Variants in GRIA4 observed in about 807,000 individuals in gnomAD.
GRIA4 encodes the protein glutamate receptor 4.
GRIA4 carries 34 observed loss-of-function variants against 104.0 expected under a neutral mutation model. The ratio of observed to expected loss-of-function variants is 0.33; its 90% CI spans 0.25 to 0.44. GRIA4 has a LOEUF of 0.44. GRIA4 is among the 20% of genes least tolerant of loss of function. The pLI is 1.00. For synonymous variants in GRIA4, 386 were observed against 381.9 expected, an observed-to-expected ratio of 1.01 and a Z score of -0.13; for missense variants, 750 against 1,096.5, an observed-to-expected ratio of 0.68 and a Z score of 4.46.
At chr11:105,961,451 C>T (rs1948742710) in intron 14 of GRIA4, among the ~76,000 whole-genome samples, 1 of 152,126 alleles carries the variant, frequency 6.6e-6, no homozygotes, top group African/African-American at 2.4e-5. Context: ...AACCTCTCAG[C>T]CTCATTCAGG....
intron 3 of GRIA4, among the ~76,000 whole-genome samples, chr11:105,655,436 C>T (rs1951815152): frequency 6.6e-6 from 1 of 151,940 alleles, no homozygotes. Flanking sequence ...TTTGCTGCAC[C>T]CATCAGCCCA....
chr11:105,732,409 G>A (rs965707713), intron 3 of GRIA4, among the ~76,000 whole-genome samples: 1 of 152,108 alleles, frequency 6.6e-6, no homozygotes, highest in East Asian at 1.9e-4. Flanking sequence ...ATTAGCAGCC[G>A]TGTGTTTCTG....
intron 4 of GRIA4, among the ~76,000 whole-genome samples, chr11:105,768,980 T>C (rs1048728513): frequency 1.3e-5 from 2 of 152,054 alleles, no homozygotes; most frequent in Non-Finnish European, 2.9e-5. Context: ...GGAAAGGCAT[T>C]CCAAGGAGAG....
intron 4 of GRIA4, among the ~76,000 whole-genome samples, chr11:105,781,437 G>A (rs1397655411): frequency 2.6e-5 from 4 of 152,024 alleles, no homozygotes. Flanking sequence ...CCCACAATTT[G>A]AAGTCTAAAT....
At chr11:105,875,606 A>C (rs529481814) in intron 5 of GRIA4, among the ~76,000 whole-genome samples, 7 of 152,118 alleles carry the variant, frequency 4.6e-5, no homozygotes, top group Non-Finnish European at 7.4e-5. Flanking sequence ...TTATTGGTCT[A>C]TTCAAGGATT....
chr11:105,702,421 C>CTA (rs1344606356), intron 3 of GRIA4, among the ~76,000 whole-genome samples: 1 of 151,582 alleles, frequency 6.6e-6, no homozygotes, highest in African/African-American at 2.4e-5. Flanking sequence ...ATATACATAT[C>CTA]TATATAATTA....
At chr11:105,914,611 T>C (rs966119225) in intron 10 of GRIA4, among the ~76,000 whole-genome samples, 2 of 152,162 alleles carry the variant, frequency 1.3e-5, no homozygotes, top group Non-Finnish European at 2.9e-5. Flanking sequence ...GAGTGATTTA[T>C]CTCCTGAAAA....
intron 5 of GRIA4, among the ~76,000 whole-genome samples, chr11:105,864,369 C>T (rs1201861303): frequency 2.0e-5 from 3 of 152,106 alleles, no homozygotes; most frequent in African/African-American, 7.2e-5. Flanking sequence ...CTTAAGACCC[C>T]TGTGTTTCAA....
chr11:105,932,926 G>C lies in GRIA4; in HGVS notation c.2047-796G>C, dbSNP rs150482145. On this transcript the variant is annotated intron_variant, in intron 13 of 16. Coordinates refer to ENST00000282499, the MANE Select transcript of GRIA4 (RefSeq NM_000829.4). ...CTAGAATCATGTACACTAAAATTTG[G>C]GGGCATGAAAAAAGATAAAAATAAA... Among the ~76,000 whole-genome samples the C allele has an allele frequency of 1.8e-4, 28 of 151,912 alleles. No homozygotes were observed. The East Asian group carries it at 5.2e-3, about 28-fold the overall frequency.
At chr11:105,732,524 C>G (rs1206101820) in intron 3 of GRIA4, among the ~76,000 whole-genome samples, 2 of 152,096 alleles carry the variant, frequency 1.3e-5, no homozygotes, top group Non-Finnish European at 2.9e-5. Context: ...TCAGTGTGAG[C>G]TACTGGACTC....
intron 4 of GRIA4, among the ~76,000 whole-genome samples, chr11:105,795,772 T>TA (rs1461597267): frequency 1.3e-5 from 2 of 152,276 alleles, no homozygotes; most frequent in African/African-American, 4.8e-5. Context: ...AACATGGTGC[T>TA]AGAACATCGA....
chr11:105,778,702 C>G (rs1275154706), intron 4 of GRIA4, among the ~76,000 whole-genome samples: 1 of 152,070 alleles, frequency 6.6e-6, no homozygotes, highest in East Asian at 1.9e-4. Flanking sequence ...AAGACTACAT[C>G]TCAAAACAAA....
intron 4 of GRIA4, among the ~76,000 whole-genome samples, chr11:105,802,556 A>G (rs554756445): frequency 6.6e-6 from 1 of 152,104 alleles, no homozygotes; most frequent in Non-Finnish European, 1.5e-5. Flanking sequence ...GTAATTTATA[A>G]CTATTAAACT....
At chr11:105,964,206 G>A (rs1948805763) in intron 14 of GRIA4, among the ~76,000 whole-genome samples, 1 of 152,154 alleles carries the variant, frequency 6.6e-6, no homozygotes, top group South Asian at 2.1e-4. Context: ...GGAAGTACAT[G>A]CATTATTTTA....
intron 14 of GRIA4, among the ~76,000 whole-genome samples, chr11:105,962,035 C>G (rs774126793): frequency 1.3e-5 from 2 of 152,100 alleles, no homozygotes; most frequent in Non-Finnish European, 2.9e-5. Context: ...TCCTTTAGAA[C>G]AATGTTCACA....
chr11:105,952,677 C>T (rs1252821201), intron 14 of GRIA4, among the ~76,000 whole-genome samples: 1 of 152,108 alleles, frequency 6.6e-6, no homozygotes, highest in Non-Finnish European at 1.5e-5. Flanking sequence ...CTCTCCTTGA[C>T]TCAACTTGGA....
At chr11:105,800,335 TACTA>T (rs1455943159) in intron 4 of GRIA4, among the ~76,000 whole-genome samples, 13 of 152,034 alleles carry the variant, frequency 8.6e-5, no homozygotes, top group Non-Finnish European at 1.8e-4. Flanking sequence ...GACTACCATT[TACTA>T]ACTAACTTTT....
At chr11:105,640,221 A>G (rs922710498) in intron 3 of GRIA4, among the ~76,000 whole-genome samples, 2 of 151,950 alleles carry the variant, frequency 1.3e-5, no homozygotes, top group African/African-American at 4.8e-5. Context: ...ATGTTTCATA[A>G]GAATTTCAAA....
chr11:105,784,155 A>C (rs564751175), intron 4 of GRIA4, among the ~76,000 whole-genome samples: 7 of 152,274 alleles, frequency 4.6e-5, no homozygotes, highest in East Asian at 1.9e-4. Context: ...AATGCTTAGA[A>C]CAGTACCTGG....
Sources: gnomAD v4.1 joint callset for allele counts (sites outside exome capture counted in the v4.1 genomes callset) on GRCh38, gnomAD v4.1.1 for gene constraint, MANE v1.5 for transcripts, NCBI Gene and HGNC (gene_info 2026-07-23, HGNC 2026-07-21) for gene names.